The following SGCZ variants were observed in gnomAD, a reference collection of about 807,000 sequenced individuals.
The protein encoded by SGCZ is sarcoglycan zeta.
Under a neutral mutation model 41.3 loss-of-function variants are expected in SGCZ, and 40 were observed. That is an observed-to-expected ratio of 0.97 (90% confidence interval 0.75 to 1.26). The LOEUF is 1.26. Ranked by LOEUF, SGCZ falls within the 50% of genes most tolerant of loss-of-function variation. The pLI is 0.00. For synonymous variants in SGCZ, 206 were observed against 137.5 expected (o/e 1.50, Z -3.49); for missense variants, 552 against 369.8 (o/e 1.49, Z -4.04).
chr8:14,513,274 G>A lies in SGCZ; in HGVS notation c.234+41458C>T, dbSNP rs1585616246. Among the ~76,000 whole-genome samples the A allele has an allele frequency of 2.6e-5, 4 of 152,140 alleles. No individual in the cohort carries two copies. The South Asian group carries it at 8.3e-4, about 32-fold the overall frequency. On this transcript the variant is annotated intron_variant, in intron 2 of 7. Coordinates refer to ENST00000382080, the MANE Select transcript of SGCZ (RefSeq NM_139167.4). ...GCTGGTCTTGAACTCATGGGCTTAA[G>A]CAATCCTCCCACCTTGGCCTCCCAA...
intron 1 of SGCZ, among the ~76,000 whole-genome samples, chr8:15,064,513 A>G (rs962667509): frequency 1.3e-5 from 2 of 151,016 alleles, no homozygotes; most frequent in Non-Finnish European, 2.9e-5. Flanking sequence ...TCCTTCCTCA[A>G]GAACAAACCT....
Position 14,765,525 on chromosome 8 carries a change from G to T in SGCZ, c.40-210599C>A, listed in dbSNP as rs74416877. ...CTATCCGTTCATATACAAATGCACTGTTTCCTGGCAGAGTATCCCTCAGAA... is the reference window on the plus strand; with the variant it reads ...CTATCCGTTCATATACAAATGCACTTTTTCCTGGCAGAGTATCCCTCAGAA... On this transcript the variant is annotated intron_variant, in intron 1 of 7. Coordinates refer to ENST00000382080, the MANE Select transcript of SGCZ (RefSeq NM_139167.4). Among the ~76,000 whole-genome samples the T allele has an allele frequency of 4.3e-3, 657 of 152,304 alleles. 8 individuals are homozygous for T. Among genetic ancestry groups the T allele is most frequent in the African/African-American group, 0.015 (623 of 41,560 alleles).
intron 1 of SGCZ, among the ~76,000 whole-genome samples, chr8:15,005,781 G>C (rs1248143485): frequency 6.6e-6 from 1 of 152,062 alleles, no homozygotes; most frequent in African/African-American, 2.4e-5. Context: ...GACTTAACTA[G>C]TCTTTATTAT....
At chr8:14,557,168 A>T (rs767883936) in intron 1 of SGCZ, among the ~76,000 whole-genome samples, 6 of 151,736 alleles carry the variant, frequency 4.0e-5, no homozygotes, top group Non-Finnish European at 8.8e-5. Context: ...TTTTATATGC[A>T]TTTCCATGAT....
chr8:14,133,214 C>T (rs1282554919), intron 5 of SGCZ, among the ~76,000 whole-genome samples: 1 of 152,190 alleles, frequency 6.6e-6, no homozygotes, highest in Non-Finnish European at 1.5e-5. Context: ...CTTTCTCAAT[C>T]GCCCACCCCG....
intron 2 of SGCZ, among the ~76,000 whole-genome samples, chr8:14,431,840 A>G (rs1343139011): frequency 6.6e-6 from 1 of 152,170 alleles, no homozygotes; most frequent in Non-Finnish European, 1.5e-5. Context: ...TAGCAAGAAT[A>G]AAACAATCCC....
At chr8:14,218,773 T>A (rs1282898799) in intron 4 of SGCZ, among the ~76,000 whole-genome samples, 2 of 152,210 alleles carry the variant, frequency 1.3e-5, no homozygotes, top group African/African-American at 4.8e-5. Context: ...ACTCACAACA[T>A]CAACAACGCA....
chr8:15,012,610 CAT>C (rs1375064297), intron 1 of SGCZ, among the ~76,000 whole-genome samples: 9 of 99,774 alleles, frequency 9.0e-5, no homozygotes, highest in Admixed American at 7.1e-4. Flanking sequence ...TTATATAATA[CAT>C]ATATGTTTAT....
intron 2 of SGCZ, among the ~76,000 whole-genome samples, chr8:14,466,481 T>G (rs1208742189): frequency 6.6e-6 from 1 of 151,972 alleles, no homozygotes; most frequent in Non-Finnish European, 1.5e-5. Context: ...TTGGAGCCAC[T>G]GAGCTCCTTG....
chr8:14,873,244 A>G (rs1804231025), intron 1 of SGCZ, among the ~76,000 whole-genome samples: 1 of 152,218 alleles, frequency 6.6e-6, no homozygotes, highest in African/African-American at 2.4e-5. Flanking sequence ...CTGTGAAACT[A>G]TAACTACACT....
intron 4 of SGCZ, among the ~76,000 whole-genome samples, chr8:14,206,948 A>T (rs1259713055): frequency 2.6e-5 from 4 of 152,154 alleles, no homozygotes; most frequent in Admixed American, 2.6e-4. Flanking sequence ...CAATGTCTAG[A>T]ATGACTTATG....
intron 1 of SGCZ, among the ~76,000 whole-genome samples, chr8:14,571,137 AAGG>A (rs1212184110): frequency 6.6e-6 from 1 of 152,108 alleles, no homozygotes; most frequent in East Asian, 1.9e-4. Context: ...GTGGAAGGTG[AAGG>A]AGAAGCAAGT....
chr8:15,178,345 T>C (rs1384031676), intron 1 of SGCZ, among the ~76,000 whole-genome samples: 1 of 152,150 alleles, frequency 6.6e-6, no homozygotes, highest in East Asian at 1.9e-4. Context: ...AAAGACATTG[T>C]AGCGCAGAGA....
chr8:14,498,060 C>T (rs1383710262), intron 2 of SGCZ, among the ~76,000 whole-genome samples: 4 of 152,118 alleles, frequency 2.6e-5, no homozygotes, highest in Non-Finnish European at 5.9e-5. Context: ...TGGCATTTGT[C>T]AGAGTGCTGA....
rs137861904 is a variant in SGCZ at position 14,358,069 on chromosome 8, A to G, written c.235-33865T>C. Among the ~76,000 whole-genome samples, 896 of 152,136 alleles carry G rather than the reference A, an allele frequency of 5.9e-3. 15 individuals are homozygous for G. The highest frequency in any genetic ancestry group is 0.021 in the African/African-American group (866 of 41,504). ...TATTCGTGCACTCACTCATTTATTC[A>G]CTGACTTCCCTGGCACCACCAAAGT... On this transcript the variant is annotated intron_variant, in intron 2 of 7. Transcript: ENST00000382080.
intron 1 of SGCZ, among the ~76,000 whole-genome samples, chr8:14,629,245 T>C (rs1400852311): frequency 6.6e-6 from 1 of 152,170 alleles, no homozygotes; most frequent in Non-Finnish European, 1.5e-5. Context: ...ACTAAAAGTT[T>C]ACTTCGTGTG....
chr8:14,607,534 T>C (rs529498519), intron 1 of SGCZ, among the ~76,000 whole-genome samples: 2 of 152,320 alleles, frequency 1.3e-5, no homozygotes, highest in East Asian at 3.9e-4. Flanking sequence ...ATAACATTTA[T>C]GCAGGAAAAT....
chr8:14,629,295 A>C (rs1806567032), intron 1 of SGCZ, among the ~76,000 whole-genome samples: 1 of 152,122 alleles, frequency 6.6e-6, no homozygotes, highest in African/African-American at 2.4e-5. Flanking sequence ...ATGCCCACAA[A>C]AAGTTATAGG....
intron 1 of SGCZ, among the ~76,000 whole-genome samples, chr8:14,755,483 C>G (rs1585234098): frequency 6.6e-6 from 1 of 152,110 alleles, no homozygotes; most frequent in East Asian, 1.9e-4. Flanking sequence ...TAAGGAAATA[C>G]AAAGGAGCAG....
Sources: allele counts gnomAD v4.1 joint callset (sites outside exome capture counted in the v4.1 genomes callset), GRCh38; gene constraint gnomAD v4.1.1; transcripts MANE v1.5; gene names NCBI Gene and HGNC (gene_info 2026-07-23, HGNC 2026-07-21).